CERKL: variants seen among roughly 807,000 people sequenced by gnomAD.
The protein encoded by CERKL is ceramide kinase-like protein.
CERKL carries 61 observed loss-of-function variants against 63.4 expected under a neutral mutation model. The observed-to-expected ratio is 0.96, with a 90% confidence interval of 0.78 to 1.19. The LOEUF (loss-of-function observed/expected upper bound fraction) is 1.19, where lower values mean the gene tolerates loss of function less well. Among genes scored for constraint, CERKL ranks in the 50% most tolerant of loss-of-function variants. The pLI is 0.00. For synonymous variants in CERKL, 250 were observed against 230.5 expected (o/e 1.08, Z -0.77); for missense variants, 675 against 655.5 (o/e 1.03, Z -0.33).
chr2:181,537,722 G>A lies in CERKL; in HGVS notation c.*462C>T. The A allele has an allele frequency of 2.3e-6, 1 of 430,292 alleles. No homozygotes were observed. Among genetic ancestry groups the A allele is most frequent in the Non-Finnish European group, 4.6e-6 (1 of 215,868 alleles). 26.7% of individuals were successfully genotyped at this position (430,292 alleles called of 1,614,324 possible). ...TGATGGTTGCAAAGTTTTTTTGTGT[G>A]TCCAATAAACACATTGTAAAAAAAA... On this transcript the variant is annotated 3_prime_UTR_variant, in exon 13 of 13. Coordinates refer to ENST00000410087, the MANE Select transcript of CERKL (RefSeq NM_201548.5).
At chr2:181,610,996 G>T (rs1685945468) in intron 1 of CERKL, among the ~76,000 whole-genome samples, 1 of 151,978 alleles carries the variant, frequency 6.6e-6, no homozygotes, top group African/African-American at 2.4e-5. Context: ...AGGCTGAGGT[G>T]GGCGGATCAC....
intron 1 of CERKL, among the ~76,000 whole-genome samples, chr2:181,652,498 T>G (rs1369787806): frequency 1.3e-5 from 2 of 152,046 alleles, no homozygotes; most frequent in Non-Finnish European, 2.9e-5. Flanking sequence ...TAAAAATAGA[T>G]TAAAGATTTA....
At chr2:181,575,066 C>T (rs1689071003) in intron 2 of CERKL, among the ~76,000 whole-genome samples, 1 of 152,182 alleles carries the variant, frequency 6.6e-6, no homozygotes, top group African/African-American at 2.4e-5. Context: ...TCCTTGCCAC[C>T]TTTGAATGAG....
At position 181,538,178 on chromosome 2, in the gene CERKL, T is replaced by TACATGTTAC. The variant is rs1687283018; in HGVS notation, c.1596_*5dup. 1.9e-6 allele frequency: 3 copies of TACATGTTAC among 1,544,060 alleles called. No individual in the cohort carries two copies. The East Asian group carries it at 6.7e-5, about 35-fold the overall frequency. On this transcript the variant is annotated 3_prime_UTR_variant, in exon 13 of 13. Transcript: ENST00000410087. ...TTTGTACATTTCTTTTAGAAACAAT[T>TACATGTTAC]ACATGTTACTTTGGAATCATTTCTT... is the stretch of plus-strand genomic sequence containing the variant.
At chr2:181,592,094 A>G (rs1465466519) in intron 2 of CERKL, among the ~76,000 whole-genome samples, 6 of 152,190 alleles carry the variant, frequency 3.9e-5, no homozygotes, top group African/African-American at 1.4e-4. Context: ...TTCAACTTGT[A>G]TAAAGGGAAG....
chr2:181,604,719 C>A (rs566034218), intron 1 of CERKL, among the ~76,000 whole-genome samples: 1 of 152,058 alleles, frequency 6.6e-6, no homozygotes, highest in Non-Finnish European at 1.5e-5. Context: ...TTGAAGGCAG[C>A]CTTAACGAAA....
chr2:181,614,536 A>C (rs6742390), intron 1 of CERKL, among the ~76,000 whole-genome samples: 27,910 of 152,082 alleles, frequency 0.18, 4,127 homozygotes, highest in African/African-American at 0.41. Flanking sequence ...TTTGTTTATA[A>C]AATTTTACTT....
chr2:181,631,563 C>G lies in CERKL; in HGVS notation c.238+25206G>C, dbSNP rs555457139. Reference sequence around the variant, plus strand: ...ACCTTACACCCCTCCACAGCACCCCCCTTCATGCTAATGCTGCTTTCCACA... The same window carrying G: ...ACCTTACACCCCTCCACAGCACCCCGCTTCATGCTAATGCTGCTTTCCACA... On this transcript the variant is annotated intron_variant, in intron 1 of 12. Transcript: ENST00000410087. Among the ~76,000 whole-genome samples the G allele has an allele frequency of 2.0e-4, 31 of 152,278 alleles. No individual in the cohort carries two copies. The South Asian group carries it at 6.0e-3, about 30-fold the overall frequency.
At chr2:181,551,792 T>C (rs1688000224) in intron 5 of CERKL, among the ~76,000 whole-genome samples, 1 of 152,138 alleles carries the variant, frequency 6.6e-6, no homozygotes, top group Non-Finnish European at 1.5e-5. Flanking sequence ...TTATATAATA[T>C]TTAAAATATT....
chr2:181,552,589 T>C (rs1283569011), intron 5 of CERKL, among the ~76,000 whole-genome samples: 1 of 152,200 alleles, frequency 6.6e-6, no homozygotes, highest in Non-Finnish European at 1.5e-5. Context: ...CAGTCTTGGG[T>C]ATTTCCTTAT....
intron 1 of CERKL, among the ~76,000 whole-genome samples, chr2:181,616,810 G>T (rs1422316473): frequency 6.6e-6 from 1 of 152,090 alleles, no homozygotes; most frequent in Non-Finnish European, 1.5e-5. Flanking sequence ...TAATAAAAAG[G>T]TAGGTGTATA....
intron 1 of CERKL, among the ~76,000 whole-genome samples, chr2:181,616,218 T>A (rs958443760): frequency 2.7e-5 from 4 of 146,568 alleles, no homozygotes; most frequent in African/African-American, 1.0e-4. Flanking sequence ...TTTTTTTTTT[T>A]TTTTTTTTTT....
chr2:181,604,810 ACT>A (rs1456307319), intron 1 of CERKL, among the ~76,000 whole-genome samples: 1 of 152,056 alleles, frequency 6.6e-6, no homozygotes, highest in Non-Finnish European at 1.5e-5. Flanking sequence ...AACATTATAA[ACT>A]CTGTCAATCT....
At chr2:181,621,947 A>C (rs1686473246) in intron 1 of CERKL, among the ~76,000 whole-genome samples, 1 of 152,144 alleles carries the variant, frequency 6.6e-6, no homozygotes, top group Admixed American at 6.6e-5. Context: ...GTCTTTTAGA[A>C]AAGTTTATTG....
rs759433647 is a variant in CERKL, at chr2:181,558,758, T to G, written c.678-50A>C. The stretch of plus-strand genomic sequence containing the variant: ...GAAGGCAAAACTTCAGAATGATTGG[T>G]AATAAGTCATGAAATCTAGACTTCA... On this transcript the variant is annotated intron_variant, in intron 4 of 12. Transcript: ENST00000410087. This position sits in a 1 kb window ranked among gnomAD's most constrained non-coding sequence, Gnocchi z 4.2. 43 of 1,588,984 alleles carry G rather than the reference T, an allele frequency of 2.7e-5. No homozygotes were observed. Among genetic ancestry groups the G allele is most frequent in the Non-Finnish European group, 3.6e-5 (42 of 1,158,416 alleles).
At chr2:181,571,362 A>G (rs181248997) in intron 3 of CERKL, among the ~76,000 whole-genome samples, 198 of 152,300 alleles carry the variant, frequency 1.3e-3, no homozygotes, top group Admixed American at 2.1e-3. Flanking sequence ...GGTACTTAGT[A>G]ATATTTACAA....
At chr2:181,585,697 T>C (rs1008521678) in intron 2 of CERKL, among the ~76,000 whole-genome samples, 1 of 151,972 alleles carries the variant, frequency 6.6e-6, no homozygotes, top group African/African-American at 2.4e-5. Context: ...AAAATCATAT[T>C]TGAGAACTGG....
At chr2:181,584,565 T>A (rs1684678045) in intron 2 of CERKL, among the ~76,000 whole-genome samples, 1 of 152,066 alleles carries the variant, frequency 6.6e-6, no homozygotes, top group Admixed American at 6.6e-5. Context: ...CATGTCTCTG[T>A]CAGCCAGTTC....
rs918839386 is a variant in CERKL, at chr2:181,610,627, G to A, written c.239-6548C>T. 2.6e-5 allele frequency among the ~76,000 whole-genome samples: 4 copies of A among 152,218 alleles called. No individual in the cohort carries two copies. In the South Asian group the frequency reaches 8.3e-4, roughly 32 times the overall value. ...AGAGGTATGAAAAAGTAGAATAAAA[G>A]CAAGTTACAAAGTAATCTGAGGGAT... is the stretch of plus-strand genomic sequence containing the variant. On this transcript the variant is annotated intron_variant, in intron 1 of 12. Coordinates refer to ENST00000410087, the MANE Select transcript of CERKL (RefSeq NM_201548.5).
Sources: gnomAD v4.1 joint callset for allele counts (sites outside exome capture counted in the v4.1 genomes callset) on GRCh38, gnomAD v4.1.1 for gene constraint, Gnocchi (gnomAD v3.1) non-coding constraint, MANE v1.5 for transcripts, NCBI Gene and HGNC (gene_info 2026-07-23, HGNC 2026-07-21) for gene names.